The following C10orf67 variants were observed in gnomAD, a reference collection of about 807,000 sequenced individuals.
C10orf67 encodes the protein chromosome 10 open reading frame 67, also known as uncharacterized protein C10orf67, mitochondrial.
C10orf67 carries 60 observed loss-of-function variants against 35.6 expected under a neutral mutation model. That is an observed-to-expected ratio of 1.68 (90% confidence interval 1.37 to 2.09). C10orf67 has a LOEUF of 2.09. C10orf67 is among the 30% of genes most tolerant of loss of function. The probability of loss-of-function intolerance (pLI) is 0.00; values close to 1 mark genes in which losing one functional copy is unlikely to be tolerated. For synonymous variants in C10orf67, 167 were observed against 115.8 expected, an observed-to-expected ratio of 1.44 and a Z score of -2.84; for missense variants, 474 against 330.2, an observed-to-expected ratio of 1.44 and a Z score of -3.38.
At chr10:23,330,545 C>T (rs1040296973) in intron 2 of C10orf67, among the ~76,000 whole-genome samples, 6 of 152,024 alleles carry the variant, frequency 3.9e-5, no homozygotes, top group Non-Finnish European at 8.8e-5. Flanking sequence ...TAGAGACCAT[C>T]CTGCCTAACA....
chr10:23,239,656 T>C, intron 13 of C10orf67, 73 bp downstream of exon 13: 3 of 592,076 alleles, frequency 5.1e-6, no homozygotes, highest in Non-Finnish European at 3.3e-6. Flanking sequence ...TGATAAACCT[T>C]AAACGAGAAC....
At chr10:23,208,689 C>T (rs1039360310) in intron 15 of C10orf67, among the ~76,000 whole-genome samples, 6 of 152,170 alleles carry the variant, frequency 3.9e-5, no homozygotes, top group African/African-American at 7.2e-5. Context: ...GAAGGTAAAA[C>T]CTAGAAGGCT....
chr10:23,323,847 TC>T (rs970004193), intron 2 of C10orf67, among the ~76,000 whole-genome samples: 1 of 131,526 alleles, frequency 7.6e-6, no homozygotes, highest in Non-Finnish European at 1.6e-5. Context: ...TGAGCCAAGA[TC>T]GCACCACTGC....
At chr10:23,234,295 T>C (rs1340609086) in intron 13 of C10orf67, among the ~76,000 whole-genome samples, 1 of 152,200 alleles carries the variant, frequency 6.6e-6, no homozygotes, top group African/African-American at 2.4e-5. Context: ...AATGATATAC[T>C]GGATAATGAA....
intron 8 of C10orf67, among the ~76,000 whole-genome samples, chr10:23,277,981 G>A (rs1392540624): frequency 1.3e-5 from 2 of 152,176 alleles, no homozygotes; most frequent in African/African-American, 2.4e-5. Flanking sequence ...GGGAGCAGGA[G>A]CGAGAGAGAG....
At chr10:23,282,303 T>C (rs1843392439) in intron 7 of C10orf67, among the ~76,000 whole-genome samples, 1 of 152,188 alleles carries the variant, frequency 6.6e-6, no homozygotes, top group African/African-American at 2.4e-5. Flanking sequence ...ACACCTTTTC[T>C]CACCCCATGC....
intron 4 of C10orf67, among the ~76,000 whole-genome samples, chr10:23,307,838 C>G (rs1588676733): frequency 6.6e-6 from 1 of 152,096 alleles, no homozygotes; most frequent in South Asian, 2.1e-4. Flanking sequence ...AGGCTGGTCT[C>G]AAACTCCTGA....
chr10:23,242,200 A>G (rs1842202123), intron 12 of C10orf67, among the ~76,000 whole-genome samples: 1 of 152,010 alleles, frequency 6.6e-6, no homozygotes, highest in Non-Finnish European at 1.5e-5. Flanking sequence ...TGAACTCCTG[A>G]CCTCATGATC....
Position 23,205,364 on chromosome 10 carries a change from A to G in C10orf67, c.1571-1109T>C, listed in dbSNP as rs533495831. Among the ~76,000 whole-genome samples the G allele has an allele frequency of 1.4e-4, 21 of 152,362 alleles. No individual in the cohort carries two copies. The South Asian group carries it at 4.1e-3, about 30-fold the overall frequency. ...TTTTCTGCATCCCAGAAACTCCAGG[A>G]GGCTGCATTCAGCCCTTATGAACTT... On this transcript the variant is annotated intron_variant, in intron 15 of 15. Transcript: ENST00000636213.
In C10orf67 at chr10:23,322,411, CA is replaced by C. The variant is rs1367127530; in HGVS notation, c.453del (p.Ile151MetfsTer12). ...ACATTTACCTGTTGATAATGCTTTT[CA>C]ATTTCTAGGATCCTGTCATGCAGAA... ...FTILHDRILE[I>X]EKHYQQNEDK... On this transcript the variant is annotated frameshift_variant, in exon 3 of 16. Coordinates refer to ENST00000636213, the MANE Select transcript of C10orf67 (RefSeq NM_001371909.1). LOFTEE classifies it high-confidence loss of function. 1 of 1,609,576 alleles carries C rather than the reference CA, an allele frequency of 6.2e-7. No individual in the cohort carries two copies. The highest frequency in any genetic ancestry group is 8.5e-7 in the Non-Finnish European group (1 of 1,176,278).
chr10:23,226,976 A>T (rs1841759640), intron 13 of C10orf67, among the ~76,000 whole-genome samples: 1 of 152,218 alleles, frequency 6.6e-6, no homozygotes. Context: ...AAAGTCCAGG[A>T]CCAGACGGAT....
intron 12 of C10orf67, among the ~76,000 whole-genome samples, chr10:23,247,655 A>G (rs968579094): frequency 6.6e-6 from 1 of 152,256 alleles, no homozygotes; most frequent in Non-Finnish European, 1.5e-5. Flanking sequence ...CAATGAAATG[A>G]GAAAATTCCC....
At chr10:23,246,622 C>T (rs531865238) in intron 12 of C10orf67, among the ~76,000 whole-genome samples, 1 of 152,172 alleles carries the variant, frequency 6.6e-6, no homozygotes, top group Non-Finnish European at 1.5e-5. Flanking sequence ...AGATGGACTG[C>T]ATATACAATG....
chr10:23,208,668 A>T (rs1468140276), intron 15 of C10orf67, among the ~76,000 whole-genome samples: 1 of 152,184 alleles, frequency 6.6e-6, no homozygotes, highest in African/African-American at 2.4e-5. Flanking sequence ...GAGTGAATGG[A>T]TTAACAAAGA....
chr10:23,208,049 C>T (rs1366585676), intron 15 of C10orf67, among the ~76,000 whole-genome samples: 3 of 152,190 alleles, frequency 2.0e-5, no homozygotes, highest in Non-Finnish European at 4.4e-5. Flanking sequence ...AAAATAAACA[C>T]TCTTAATATG....
intron 10 of C10orf67, among the ~76,000 whole-genome samples, chr10:23,263,901 C>A (rs1366377955): frequency 1.3e-5 from 2 of 152,156 alleles, no homozygotes; most frequent in Admixed American, 6.5e-5. Context: ...AATCAGACAG[C>A]TAATGTTCAT....
intron 5 of C10orf67, among the ~76,000 whole-genome samples, chr10:23,299,631 G>A (rs1275858730): frequency 2.0e-5 from 3 of 152,066 alleles, no homozygotes; most frequent in Non-Finnish European, 2.9e-5. Flanking sequence ...GCTGTCCTAG[G>A]ACCCCTTGGA....
At chr10:23,325,658 C>G (rs573737027) in intron 2 of C10orf67, among the ~76,000 whole-genome samples, 89 of 144,458 alleles carry the variant, frequency 6.2e-4, no homozygotes, top group African/African-American at 2.1e-3. Flanking sequence ...ACAATATAAT[C>G]CAAATTACTT....
intron 8 of C10orf67, among the ~76,000 whole-genome samples, chr10:23,269,752 A>G (rs150666380): frequency 1.3e-5 from 2 of 152,124 alleles, no homozygotes; most frequent in Non-Finnish European, 1.5e-5. Context: ...TATCTAGTAT[A>G]GTAGACTTCA....
Sources: allele counts gnomAD v4.1 joint callset (sites outside exome capture counted in the v4.1 genomes callset), GRCh38; gene constraint gnomAD v4.1.1; transcripts MANE v1.5; gene names NCBI Gene and HGNC (gene_info 2026-07-23, HGNC 2026-07-21).